RXRA: variants seen among roughly 807,000 people sequenced by gnomAD.
RXRA encodes retinoid X receptor alpha.
Under a neutral mutation model 44.5 loss-of-function variants are expected in RXRA, and 5 were observed. The ratio of observed to expected loss-of-function variants is 0.11; its 90% CI spans 0.06 to 0.24. The LOEUF (loss-of-function observed/expected upper bound fraction) is 0.24, where lower values mean the gene tolerates loss of function less well. Ranked by LOEUF, RXRA falls within the 10% of genes least tolerant of loss-of-function variation. The probability of loss-of-function intolerance (pLI) is 1.00; values close to 1 mark genes in which losing one functional copy is unlikely to be tolerated. For synonymous variants in RXRA, 291 were observed against 271.4 expected (o/e 1.07, Z -0.71); for missense variants, 412 against 646.5 (o/e 0.64, Z 3.93).
intron 1 of RXRA, among the ~76,000 whole-genome samples, chr9:134,390,788 G>A (rs1220318219): frequency 2.6e-5 from 4 of 152,146 alleles, no homozygotes; most frequent in Non-Finnish European, 5.9e-5. Flanking sequence ...CCTGTCCCCC[G>A]TCTGCAGATG....
chr9:134,394,133 A>ATGACAGTGATGTTGATGGTGATG (rs1564283342), intron 1 of RXRA, among the ~76,000 whole-genome samples: 1 of 548 alleles, frequency 1.8e-3, no homozygotes. Flanking sequence ...ATGATGATGT[A>ATGACAGTGATGTTGATGGTGATG]ATGATGGTGT....
In RXRA at chr9:134,437,659, G is replaced by A. The variant is rs1243628181; in HGVS notation, c.*1045G>A. 1.3e-5 allele frequency: 2 copies of A among 152,324 alleles called. No individual in the cohort carries two copies. Among genetic ancestry groups the A allele is most frequent in the Non-Finnish European group, 2.9e-5 (2 of 68,110 alleles). The allele number at this position is 152,324 out of a possible 1,614,324, so 9.4% of individuals were successfully genotyped here. ...CTGGAGAGAGAGGGGCTCAGGAACT[G>A]GGAGCCTCGTGGGTGGGGCAGATGC... is the stretch of plus-strand genomic sequence containing the variant. On this transcript the variant is annotated 3_prime_UTR_variant, in exon 10 of 10. Coordinates refer to ENST00000481739, the MANE Select transcript of RXRA (RefSeq NM_002957.6).
intron 9 of RXRA, among the ~76,000 whole-genome samples, chr9:134,435,070 CA>C (rs1017994556): frequency 6.6e-6 from 1 of 152,244 alleles, no homozygotes; most frequent in Non-Finnish European, 1.5e-5. Context: ...CCCATCTCGC[CA>C]GCTCAGCAGA....
intron 1 of RXRA, among the ~76,000 whole-genome samples, chr9:134,384,330 G>A (rs1459314614): frequency 1.3e-5 from 2 of 152,222 alleles, no homozygotes; most frequent in African/African-American, 4.8e-5. Context: ...ACCCCAAACT[G>A]GGCAGACATT....
At position 134,368,766 on chromosome 9, in the gene RXRA, CTG is replaced by C. The variant is rs1491348295; in HGVS notation, c.29-32863_29-32862del. On this transcript the variant is annotated intron_variant, in intron 1 of 9. Coordinates refer to ENST00000481739, the MANE Select transcript of RXRA (RefSeq NM_002957.6). ...TGGGTGAGTGTGGATGTGTGTGTGA[CTG>C]TGAGTGTGTTTGGGTGTGTGCATGT... Among the ~76,000 whole-genome samples, 5 of 150,106 alleles carry C rather than the reference CTG, an allele frequency of 3.3e-5. No individual in the cohort carries two copies. The South Asian group carries it at 6.3e-4, about 19-fold the overall frequency.
intron 8 of RXRA, among the ~76,000 whole-genome samples, chr9:134,432,771 C>A (rs941391019): frequency 3.3e-5 from 5 of 152,188 alleles, no homozygotes; most frequent in Non-Finnish European, 1.5e-5. Flanking sequence ...CGGGCCACTT[C>A]CTCCGGGAGC....
At position 134,343,365 on chromosome 9, in the gene RXRA, G is replaced by GGGA. The variant is rs558134799; in HGVS notation, c.28+16714_28+16716dup. ...CTGAACCTCAGTGTCTTTGAGGGCT[G>GGGA]GGAGGAGGAGTTTCTTCTTCTGGGT... On this transcript the variant is annotated intron_variant, in intron 1 of 9. Transcript: ENST00000481739. The surrounding 1 kb of genome is among the most constrained non-coding windows in gnomAD (Gnocchi z 4.1). Among the ~76,000 whole-genome samples, 103 of 152,264 alleles carry GGGA rather than the reference G, an allele frequency of 6.8e-4. No individual in the cohort carries two copies. The highest frequency in any genetic ancestry group is 2.4e-3 in the African/African-American group (99 of 41,554).
rs1397395345 is a variant in RXRA at position 134,342,306 on chromosome 9, A to G, written c.28+15647A>G. ...CCCGGTACCAGCTTGTGCCAAGCCC[A>G]TTGCCCTCCCAGAACCCTGGGGGAG... On this transcript the variant is annotated intron_variant, in intron 1 of 9. Transcript: ENST00000481739. This position sits in a 1 kb window ranked among gnomAD's most constrained non-coding sequence, Gnocchi z 4.4. 1.3e-5 allele frequency among the ~76,000 whole-genome samples: 2 copies of G among 151,894 alleles called. No individual in the cohort carries two copies. Among genetic ancestry groups the G allele is most frequent in the African/African-American group, 2.4e-5 (1 of 41,324 alleles).
intron 2 of RXRA, chr9:134,404,765 A>C (rs1755206853): frequency 6.6e-6 from 1 of 152,204 alleles, no homozygotes; most frequent in Non-Finnish European, 1.5e-5. Flanking sequence ...TGGACAGATG[A>C]GGTCCAGCAA....
At chr9:134,412,559 A>C (rs1025235899) in intron 4 of RXRA, among the ~76,000 whole-genome samples, 3 of 152,196 alleles carry the variant, frequency 2.0e-5, no homozygotes, top group African/African-American at 7.2e-5. Context: ...AGGTTGGGCA[A>C]TGGGGCCTGC....
intron 1 of RXRA, among the ~76,000 whole-genome samples, chr9:134,384,766 C>T (rs1830694514): frequency 1.3e-5 from 2 of 152,158 alleles, no homozygotes; most frequent in South Asian, 4.1e-4. Flanking sequence ...CCACCTGCTG[C>T]CTTGACGCTG....
Position 134,433,758 on chromosome 9 carries a change from A to G in RXRA, c.1136-344A>G, listed in dbSNP as rs1019550923. 6.6e-6 allele frequency among the ~76,000 whole-genome samples: 1 copy of G among 152,038 alleles called. No individual in the cohort carries two copies. Among genetic ancestry groups the G allele is most frequent in the African/African-American group, 2.4e-5 (1 of 41,358 alleles). On this transcript the variant is annotated intron_variant, in intron 8 of 9. Transcript: ENST00000481739. This position sits in a 1 kb window ranked among gnomAD's most constrained non-coding sequence, Gnocchi z 4.2. ...AGCAGCAGCATCCATTGTCTCTCCC[A>G]GTTCCCAAGGCGGCTGGAAGGAAGG...
In RXRA at chr9:134,436,581, G is replaced by A; in HGVS notation, c.1356G>A (p.Met452Ile). ...IGDTPIDTFL[M>I]EMLEAPHQMT is the part of the protein sequence containing the mutation. ...ACACACCCATTGACACCTTCCTTAT[G>A]GAGATGCTGGAGGCGCCGCACCAAA... Residue 452 changes from methionine to isoleucine, a missense_variant, in exon 10 of 10, where the codon ATG (methionine) becomes ATA (isoleucine). By Grantham distance (10) the Met-to-Ile change is conservative (BLOSUM62 1). This residue lies in a region of RXRA where 141 missense variants were observed against 270.8 expected (regional missense o/e 0.52). Transcript: ENST00000481739. 6.2e-7 allele frequency: 1 copy of A among 1,614,116 alleles called. No individual in the cohort carries two copies. The highest frequency in any genetic ancestry group is 1.7e-5 in the Admixed American group (1 of 60,030).
At chr9:134,428,467 A>G (rs1008446432) in intron 6 of RXRA, among the ~76,000 whole-genome samples, 2 of 12,138 alleles carry the variant, frequency 1.6e-4, no homozygotes, top group African/African-American at 3.5e-4. Flanking sequence ...CTAACCACCC[A>G]CCCCCCAGGG....
chr9:134,379,735 C>T (rs1830613456), intron 1 of RXRA: 1 of 985,412 alleles, frequency 1.0e-6, no homozygotes, highest in Non-Finnish European at 1.2e-6. Flanking sequence ...GTTCGTGGGT[C>T]CAGCTCAGCC....
chr9:134,397,079 T>G (rs538020911), intron 1 of RXRA, among the ~76,000 whole-genome samples: 1 of 152,360 alleles, frequency 6.6e-6, no homozygotes, highest in African/African-American at 2.4e-5. Flanking sequence ...CCAGGCTTCC[T>G]GCTCTGGGGT....
chr9:134,365,766 G>A lies in RXRA; in HGVS notation c.29-35866G>A, dbSNP rs915959593. On this transcript the variant is annotated intron_variant, in intron 1 of 9. Transcript: ENST00000481739. The surrounding 1 kb of genome is among the most constrained non-coding windows in gnomAD (Gnocchi z 4.0). ...TCTCGGTGGGGCCAGCTGTCGGTGG[G>A]TGAGGTGCCCCAGGGGAAGGGAGGG... Among the ~76,000 whole-genome samples the A allele has an allele frequency of 1.6e-4, 23 of 147,998 alleles. No individual in the cohort carries two copies. Among genetic ancestry groups the A allele is most frequent in the Admixed American group, 2.7e-4 (4 of 14,994 alleles).
intron 1 of RXRA, among the ~76,000 whole-genome samples, chr9:134,353,995 C>T (rs1276324794): frequency 6.6e-6 from 1 of 152,142 alleles, no homozygotes; most frequent in Non-Finnish European, 1.5e-5. Context: ...ATGGAGGGGG[C>T]CACAAGCTCC....
chr9:134,398,540 GT>G (rs1830914032), intron 1 of RXRA, among the ~76,000 whole-genome samples: 10 of 152,190 alleles, frequency 6.6e-5, no homozygotes, highest in African/African-American at 2.4e-4. Flanking sequence ...GACGGAGTCT[GT>G]GTAAACAGGA....
Sources: gnomAD v4.1 joint callset for allele counts (sites outside exome capture counted in the v4.1 genomes callset) on GRCh38, gnomAD v4.1.1 for gene constraint, gnomAD v4.1.1 regional missense constraint, Gnocchi (gnomAD v3.1) non-coding constraint, MANE v1.5 for transcripts, NCBI Gene and HGNC (gene_info 2026-07-23, HGNC 2026-07-21) for gene names.